SERTM1: variants seen among roughly 807,000 people sequenced by gnomAD.
The protein encoded by SERTM1 is serine rich and transmembrane domain containing 1, also known as serine-rich and transmembrane domain-containing protein 1.
In SERTM1, 1 loss-of-function variant was observed where a neutral mutation model predicts 5.5. That is an observed-to-expected ratio of 0.18 (90% CI 0.06 to 0.86). The LOEUF is 0.86. Ranked by LOEUF, SERTM1 falls within the 40% of genes least tolerant of loss-of-function variation. The pLI, the probability that SERTM1 is intolerant of heterozygous loss-of-function variation, is 0.69. For missense variants in SERTM1, 91 were observed against 122.4 expected (o/e 0.74, Z 1.21); for synonymous variants, 52 against 55.1 (o/e 0.94, Z 0.25).
intron 1 of SERTM1, among the ~76,000 whole-genome samples, chr13:36,693,382 C>T (rs1296052505): frequency 1.2e-4 from 18 of 147,212 alleles, no homozygotes; most frequent in African/African-American, 4.5e-4. Flanking sequence ...CACTGCGATT[C>T]TTCTTCTTCT....
chr13:36,694,723 C>G (rs951375928), intron 1 of SERTM1, among the ~76,000 whole-genome samples, 183 bp from the exon 2 acceptor site: 2 of 152,184 alleles, frequency 1.3e-5, no homozygotes, highest in Non-Finnish European at 2.9e-5. Flanking sequence ...AGAAAATAAA[C>G]GTTCATTTTT....
At position 36,697,570 on chromosome 13, in the gene SERTM1, A is replaced by G. The variant is rs12430330; in HGVS notation, c.*2168A>G. On this transcript the variant is annotated 3_prime_UTR_variant, in exon 2 of 2. Transcript: ENST00000315190. ...TTTATATCCTTTCCATGTGAAAGAG[A>G]TATAAAGAATTCTGACAGCAAAACT... The G allele has an allele frequency of 6.0e-6, 1 of 166,644 alleles. No homozygotes were observed. Among genetic ancestry groups the G allele is most frequent in the Admixed American group, 6.6e-5 (1 of 15,244 alleles). 10.3% of individuals were successfully genotyped at this position (166,644 alleles called of 1,614,324 possible).
intron 1 of SERTM1, among the ~76,000 whole-genome samples, chr13:36,675,523 AC>A (rs1338528396): frequency 6.6e-6 from 1 of 152,080 alleles, no homozygotes; most frequent in African/African-American, 2.4e-5. Flanking sequence ...TCTGAAAAAA[AC>A]AATATTTAAT....
intron 1 of SERTM1, among the ~76,000 whole-genome samples, chr13:36,684,607 C>T (rs1283314636): frequency 6.6e-6 from 1 of 151,812 alleles, no homozygotes; most frequent in Non-Finnish European, 1.5e-5. Context: ...GATGCCCTCA[C>T]TACCTCTTTC....
chr13:36,684,051 A>G (rs1426817490), intron 1 of SERTM1, among the ~76,000 whole-genome samples: 1 of 152,204 alleles, frequency 6.6e-6, no homozygotes, highest in Non-Finnish European at 1.5e-5. Flanking sequence ...TAATCCCAGC[A>G]CTTTGGGAGG....
intron 1 of SERTM1, among the ~76,000 whole-genome samples, chr13:36,679,915 G>A (rs1016266402): frequency 1.3e-5 from 2 of 151,982 alleles, no homozygotes; most frequent in African/African-American, 2.4e-5. Flanking sequence ...ATGGTTCAAC[G>A]CACACAACTT....
Position 36,686,739 on chromosome 13 carries a change from A to C in SERTM1, c.-173-8167A>C, listed in dbSNP as rs113633528. Among the ~76,000 whole-genome samples, 216 of 152,290 alleles carry C rather than the reference A, an allele frequency of 1.4e-3. 1 individual carries two copies. The highest frequency in any genetic ancestry group is 4.9e-3 in the African/African-American group (202 of 41,566). On this transcript the variant is annotated intron_variant, in intron 1 of 1. Coordinates refer to ENST00000315190, the MANE Select transcript of SERTM1 (RefSeq NM_203451.3). Reference sequence around the variant, plus strand: ...TTATCTAATGTACAGTCTATATTCAAATTTCCCCAGTGGTCCTAATAATGT... The same window carrying C: ...TTATCTAATGTACAGTCTATATTCACATTTCCCCAGTGGTCCTAATAATGT...
rs570084625 is a variant in SERTM1, at chr13:36,683,618, G to A, written c.-174+9434G>A. On this transcript the variant is annotated intron_variant, in intron 1 of 1. Transcript: ENST00000315190. ...CTGTGGTCACTCAAGGATGCAGACT[G>A]ATAGACATTGGCAGGTACTTACACC... Among the ~76,000 whole-genome samples, 189 of 152,314 alleles carry A rather than the reference G, an allele frequency of 1.2e-3. 1 individual carries two copies. The highest frequency in any genetic ancestry group is 4.2e-3 in the African/African-American group (173 of 41,568).
rs188574411 is a variant in SERTM1, at chr13:36,684,238, G to A, written c.-174+10054G>A. Among the ~76,000 whole-genome samples, 9 of 152,096 alleles carry A rather than the reference G, an allele frequency of 5.9e-5. No individual in the cohort carries two copies. In the East Asian group the frequency reaches 7.8e-4, roughly 13 times the overall value. The stretch of plus-strand genomic sequence containing the variant: ...CTTGAACCCAGGAGGCAGATGTTGC[G>A]GTGAGCTGAGATCGCACCACTGCAC... On this transcript the variant is annotated intron_variant, in intron 1 of 1. Transcript: ENST00000315190.
chr13:36,676,462 A>C (rs546526831), intron 1 of SERTM1, among the ~76,000 whole-genome samples: 26 of 152,174 alleles, frequency 1.7e-4, no homozygotes, highest in Admixed American at 1.1e-3. Context: ...TTTATACTTA[A>C]TTAGTTATAA....
At chr13:36,683,793 C>T (rs1407546297) in intron 1 of SERTM1, among the ~76,000 whole-genome samples, 7 of 152,304 alleles carry the variant, frequency 4.6e-5, no homozygotes, top group Non-Finnish European at 7.4e-5. Flanking sequence ...GGAGTGGGAA[C>T]ATGAAATCCT....
intron 1 of SERTM1, among the ~76,000 whole-genome samples, chr13:36,689,538 AT>A (rs2056764320): frequency 2.7e-5 from 4 of 148,176 alleles, no homozygotes; most frequent in Admixed American, 2.0e-4. Context: ...AATAATAATA[AT>A]AATAATAGTT....
intron 1 of SERTM1, among the ~76,000 whole-genome samples, chr13:36,683,327 A>C (rs529647660): frequency 6.6e-6 from 1 of 152,288 alleles, no homozygotes; most frequent in East Asian, 1.9e-4. Flanking sequence ...CTTCTTTCTC[A>C]CCAGTGCCAA....
intron 1 of SERTM1, among the ~76,000 whole-genome samples, chr13:36,690,633 T>A (rs2056772048): frequency 6.6e-6 from 1 of 152,238 alleles, no homozygotes. Flanking sequence ...ACATGCATTT[T>A]CTAAATAGAA....
intron 1 of SERTM1, among the ~76,000 whole-genome samples, chr13:36,686,078 G>A (rs1351290145): frequency 1.3e-5 from 2 of 152,216 alleles, no homozygotes; most frequent in Non-Finnish European, 2.9e-5. Context: ...AGGCCCAGAT[G>A]AGATTCAGTC....
In SERTM1 at chr13:36,696,567, G is replaced by A. The variant is rs1212337497; in HGVS notation, c.*1165G>A. On this transcript the variant is annotated 3_prime_UTR_variant, in exon 2 of 2. Transcript: ENST00000315190. Reference sequence around the variant, plus strand: ...CTGCTGGGAGCTTTAGGGATCCTAGGAGCTGCCGTGCTGCAGGCAGCAGAG... The same window carrying A: ...CTGCTGGGAGCTTTAGGGATCCTAGAAGCTGCCGTGCTGCAGGCAGCAGAG... 3 of 166,932 alleles carry A rather than the reference G, an allele frequency of 1.8e-5. No individual in the cohort carries two copies. In the Admixed American group the frequency reaches 2.0e-4, roughly 11 times the overall value. The allele number at this position is 166,932 out of a possible 1,614,324, so 10.3% of individuals were successfully genotyped here.
chr13:36,683,637 T>C (rs2056720563), intron 1 of SERTM1, among the ~76,000 whole-genome samples: 1 of 152,148 alleles, frequency 6.6e-6, no homozygotes, highest in Admixed American at 6.5e-5. Flanking sequence ...TGGCAGGTAC[T>C]TACACCATTA....
At chr13:36,687,072 G>A (rs1258060552) in intron 1 of SERTM1, among the ~76,000 whole-genome samples, 1 of 152,154 alleles carries the variant, frequency 6.6e-6, no homozygotes, top group Non-Finnish European at 1.5e-5. Context: ...AAATTCATAT[G>A]TATATGTTAT....
At chr13:36,675,899 G>A (rs1375577265) in intron 1 of SERTM1, among the ~76,000 whole-genome samples, 2 of 152,176 alleles carry the variant, frequency 1.3e-5, no homozygotes, top group Non-Finnish European at 2.9e-5. Context: ...GCTTTGAGGG[G>A]CTTATTATTT....
Sources: allele counts gnomAD v4.1 joint callset (sites outside exome capture counted in the v4.1 genomes callset), GRCh38; gene constraint gnomAD v4.1.1; transcripts MANE v1.5; gene names NCBI Gene and HGNC (gene_info 2026-07-23, HGNC 2026-07-21).